SYNE1: variants seen among roughly 807,000 people sequenced by gnomAD.
SYNE1 encodes the protein nesprin-1.
In SYNE1, 616 loss-of-function variants were observed where a neutral mutation model predicts 1,111.0. That is an observed-to-expected ratio of 0.55 (90% confidence interval 0.52 to 0.59). The LOEUF is 0.59. SYNE1 is among the 20% of genes least tolerant of loss of function. The probability of loss-of-function intolerance (pLI) is 0.00; values close to 1 mark genes in which losing one functional copy is unlikely to be tolerated. For synonymous variants in SYNE1, 3,855 were observed against 3,825.8 expected (o/e 1.01, Z -0.28); for missense variants, 10,006 against 10,417.0 (o/e 0.96, Z 1.72).
intron 3 of SYNE1, among the ~76,000 whole-genome samples, chr6:152,567,004 T>A (rs1595508264): frequency 6.6e-6 from 1 of 151,750 alleles, no homozygotes; most frequent in South Asian, 2.1e-4. Flanking sequence ...TGTGTGTGTG[T>A]GTGTGTGTGT....
intron 6 of SYNE1, among the ~76,000 whole-genome samples, chr6:152,519,751 C>T (rs376310016): frequency 1.1e-3 from 170 of 152,238 alleles, no homozygotes; most frequent in African/African-American, 3.8e-3. Flanking sequence ...ATTATCTCTC[C>T]TAAGTTATTT....
intron 77 of SYNE1, among the ~76,000 whole-genome samples, chr6:152,332,751 TTTAGTAA>T: frequency 6.6e-6 from 1 of 152,236 alleles, no homozygotes; most frequent in Non-Finnish European, 1.5e-5. Flanking sequence ...ATTAGTAATC[TTTAGTAA>T]TAAGTGTGAA....
chr6:152,328,572 A>T (rs914088234), intron 78 of SYNE1, among the ~76,000 whole-genome samples: 1 of 143,538 alleles, frequency 7.0e-6, no homozygotes, highest in African/African-American at 2.6e-5. Context: ...AACCCAGCTA[A>T]TTTTTTTTTT....
At chr6:152,508,197 C>T (rs2099068076) in intron 8 of SYNE1, among the ~76,000 whole-genome samples, 2 of 152,212 alleles carry the variant, frequency 1.3e-5, no homozygotes, top group South Asian at 4.1e-4. Context: ...AGTTTGGTAG[C>T]ATCATGGAAT....
chr6:152,293,514 T>C, intron 95 of SYNE1, 74 bp downstream of exon 95: 2 of 1,559,240 alleles, frequency 1.3e-6, no homozygotes, highest in Admixed American at 1.7e-5. Context: ...CTCAAACACA[T>C]GCCTGACAGG....
rs562793938 is a variant in SYNE1 at position 152,473,756 on chromosome 6, T to C, written c.1351-1343A>G. On this transcript the variant is annotated intron_variant, in intron 14 of 145. Transcript: ENST00000367255. ...CTGTAGCTTATGGTTGGGCTGAAAC[T>C]TTCCCAAGTGACTGCAGAGCACACT... Among the ~76,000 whole-genome samples the C allele has an allele frequency of 1.5e-4, 23 of 152,280 alleles. No homozygotes were observed. The South Asian group carries it at 4.8e-3, about 32-fold the overall frequency.
At chr6:152,528,773 T>C (rs2099179465) in intron 4 of SYNE1, among the ~76,000 whole-genome samples, 1 of 152,226 alleles carries the variant, frequency 6.6e-6, no homozygotes, top group Admixed American at 6.5e-5. Flanking sequence ...AAATTCACTT[T>C]TAGAAGTTAA....
Position 152,632,753 on chromosome 6 carries a change from G to T in SYNE1, c.-224+3885C>A, listed in dbSNP as rs550945770. Among the ~76,000 whole-genome samples, 3 of 152,260 alleles carry T rather than the reference G, an allele frequency of 2.0e-5. No homozygotes were observed. In the South Asian group the frequency reaches 6.2e-4, roughly 32 times the overall value. On this transcript the variant is annotated intron_variant, in intron 2 of 145. Transcript: ENST00000367255. ...CATCTGTAAAATGAGGTATACTTATGCCAAATTAGGTTTAATTTTATCCTG... is the reference window on the plus strand; with the variant it reads ...CATCTGTAAAATGAGGTATACTTATTCCAAATTAGGTTTAATTTTATCCTG...
rs1251598167 is a variant in SYNE1 at position 152,427,568 on chromosome 6, G to A, written c.5100+125C>T. ...TTGGAACACCCTGATGTCAAATGAT[G>A]CTTCAGGAATCACAAAACCAAAGCA... On this transcript the variant is annotated intron_variant, in intron 38 of 145. Coordinates refer to ENST00000367255, the MANE Select transcript of SYNE1 (RefSeq NM_182961.4). The A allele has an allele frequency of 1.5e-5, 18 of 1,166,026 alleles. No homozygotes were observed. The Admixed American group carries it at 2.5e-4, about 16-fold the overall frequency. 72.2% of individuals were successfully genotyped at this position (1,166,026 alleles called of 1,614,324 possible). A position where few individuals can be genotyped will look rare whatever the true frequency, so the allele number is the denominator to read the frequency against.
At chr6:152,318,303 A>C (rs2095786521) in intron 85 of SYNE1, 40 bp from the exon 86 acceptor site, 1 of 1,611,322 alleles carries the variant, frequency 6.2e-7, no homozygotes, top group African/African-American at 1.3e-5. Context: ...AGAGTACAGA[A>C]AATAAATTTC....
intron 115 of SYNE1, among the ~76,000 whole-genome samples, chr6:152,229,498 A>T (rs976196930): frequency 1.3e-5 from 2 of 152,200 alleles, no homozygotes; most frequent in African/African-American, 4.8e-5. Context: ...AAAGGAAGTA[A>T]CATGGATACT....
chr6:152,592,328 T>G (rs2099569272), intron 3 of SYNE1, among the ~76,000 whole-genome samples: 1 of 152,124 alleles, frequency 6.6e-6, no homozygotes, highest in South Asian at 2.1e-4. Flanking sequence ...TGTCCATCAG[T>G]GGTAGACTGG....
chr6:152,512,545 C>T (rs1038109717), intron 6 of SYNE1, among the ~76,000 whole-genome samples: 23 of 152,100 alleles, frequency 1.5e-4, no homozygotes, highest in African/African-American at 5.6e-4. Flanking sequence ...ATGAATTTCA[C>T]AGGGGAAAAT....
Position 152,510,922 on chromosome 6 carries a change from A to T in SYNE1, c.402+89T>A, listed in dbSNP as rs769751787. The T allele has an allele frequency of 1.8e-5, 21 of 1,176,280 alleles. 1 individual carries two copies. The South Asian group carries it at 2.4e-4, about 14-fold the overall frequency. 72.9% of individuals were successfully genotyped at this position (1,176,280 alleles called of 1,614,324 possible). ...GCTAAGTTAAGGATCAACCCCAAAG[A>T]TATGGCAAATGAGAGCATTATTAAA... is the stretch of plus-strand genomic sequence containing the variant. On this transcript the variant is annotated intron_variant, in intron 7 of 145. Transcript: ENST00000367255.
At position 152,447,546 on chromosome 6, in the gene SYNE1, A is replaced by G; in HGVS notation, c.3581T>C (p.Val1194Ala). 1 of 1,614,226 alleles carries G rather than the reference A, an allele frequency of 6.2e-7. No individual in the cohort carries two copies. The highest frequency in any genetic ancestry group is 1.1e-5 in the South Asian group (1 of 91,088). The change falls in exon 29 of 146, where the codon GTT becomes GCT. Residue 1194 changes from valine (V) to alanine (A), a missense_variant. Physicochemically the swap from Val to Ala is moderately conservative, Grantham distance 64 (BLOSUM62 0). Coordinates refer to ENST00000367255, the MANE Select transcript of SYNE1 (RefSeq NM_182961.4). ...LKSRLKVLTE[V>A]SSENEAQKQG... ...CTTTTGGGCTTCATTCTCAGAAGAA[A>G]CTTCTGTCAAAACTTTCAGCCTGGA...
chr6:152,616,072 T>C (rs916630941), intron 3 of SYNE1, among the ~76,000 whole-genome samples: 1 of 152,210 alleles, frequency 6.6e-6, no homozygotes, highest in Non-Finnish European at 1.5e-5. Context: ...ATGTTTTTGG[T>C]GGGAAACTTG....
chr6:152,613,506 A>C (rs1426894670), intron 3 of SYNE1, among the ~76,000 whole-genome samples: 2 of 152,242 alleles, frequency 1.3e-5, no homozygotes, highest in East Asian at 3.8e-4. Context: ...AAGAGGACAC[A>C]AACAAATGGA....
At chr6:152,255,170 C>T in intron 103 of SYNE1, 81 bp from the exon 104 acceptor site, 1 of 1,204,912 alleles carries the variant, frequency 8.3e-7, no homozygotes, top group South Asian at 1.3e-5. Context: ...CATAGAAAGT[C>T]AACTAGATCT....
At chr6:152,173,165 T>C (rs534122780) in intron 130 of SYNE1, among the ~76,000 whole-genome samples, 1 of 149,914 alleles carries the variant, frequency 6.7e-6, no homozygotes, top group East Asian at 2.0e-4. Flanking sequence ...AAAGCACATC[T>C]ATTTTGTACT....
Sources: allele counts gnomAD v4.1 joint callset (sites outside exome capture counted in the v4.1 genomes callset), GRCh38; gene constraint gnomAD v4.1.1; transcripts MANE v1.5; gene names NCBI Gene and HGNC (gene_info 2026-07-23, HGNC 2026-07-21).